Variants in PHYHIPL observed in about 807,000 individuals in gnomAD.
PHYHIPL encodes phytanoyl-CoA hydroxylase-interacting protein-like.
Under a neutral mutation model 33.4 loss-of-function variants are expected in PHYHIPL, and 9 were observed. The ratio of observed to expected loss-of-function variants is 0.27; its 90% confidence interval spans 0.16 to 0.47. The LOEUF is 0.47. Ranked by LOEUF, PHYHIPL falls within the 20% of genes least tolerant of loss-of-function variation. The pLI is 0.99. For synonymous variants in PHYHIPL, 153 were observed against 154.1 expected, an observed-to-expected ratio of 0.99 and a Z score of 0.05; for missense variants, 365 against 460.7, an observed-to-expected ratio of 0.79 and a Z score of 1.90.
intron 4 of PHYHIPL, among the ~76,000 whole-genome samples, chr10:59,242,415 GTAGA>G (rs766597267): frequency 7.1e-6 from 1 of 141,142 alleles, no homozygotes; most frequent in South Asian, 2.3e-4. Context: ...TCACCCACTG[GTAGA>G]TAGTCAGGAG....
upstream of PHYHIPL, among the ~76,000 whole-genome samples, chr10:59,173,921 G>GTTTGTT (rs1838206563): frequency 1.7e-5 from 1 of 57,528 alleles, no homozygotes. Context: ...TACTTCTGAG[G>GTTTGTT]TTTTTTTTTT....
At position 59,199,663 on chromosome 10, in the gene PHYHIPL, C is replaced by T. The variant is rs568208999; in HGVS notation, c.106+22704C>T. Among the ~76,000 whole-genome samples the T allele has an allele frequency of 1.9e-4, 29 of 152,222 alleles. No homozygotes were observed. The East Asian group carries it at 2.7e-3, about 14-fold the overall frequency. Reference sequence around the variant, plus strand: ...ACCTTGGGCAGTATGGCCATTTTCACGATATTGATTCTTCCTATCCATGAG... The same window carrying T: ...ACCTTGGGCAGTATGGCCATTTTCATGATATTGATTCTTCCTATCCATGAG... On this transcript the variant is annotated intron_variant, in intron 1 of 4. Transcript: ENST00000373880.
At chr10:59,240,914 G>A (rs1381200156) in intron 4 of PHYHIPL, among the ~76,000 whole-genome samples, 4 of 152,028 alleles carry the variant, frequency 2.6e-5, no homozygotes, top group Admixed American at 2.6e-4. Flanking sequence ...TAAAGACAGA[G>A]TGCCTAGAAA....
chr10:59,197,500 C>CT (rs1034386847), intron 1 of PHYHIPL, among the ~76,000 whole-genome samples: 71 of 151,692 alleles, frequency 4.7e-4, no homozygotes, highest in Middle Eastern at 3.4e-3. Context: ...GTAAGCTCTA[C>CT]TTTTTTTTTC....
At chr10:59,194,812 T>G (rs901712533) in intron 1 of PHYHIPL, among the ~76,000 whole-genome samples, 8 of 152,214 alleles carry the variant, frequency 5.3e-5, no homozygotes, top group Non-Finnish European at 2.9e-5. Flanking sequence ...CATTTTTAAC[T>G]TCACCTATTT....
At position 59,193,100 on chromosome 10, in the gene PHYHIPL, T is replaced by A. The variant is rs575719410; in HGVS notation, c.106+16141T>A. 7.2e-5 allele frequency among the ~76,000 whole-genome samples: 11 copies of A among 152,282 alleles called. No individual in the cohort carries two copies. In the South Asian group the frequency reaches 2.3e-3, roughly 32 times the overall value. ...CAGTCTTTGAGACCCATATGAGGTT[T>A]TTCAACTGCTCATTAGAGTGAGTAC... On this transcript the variant is annotated intron_variant, in intron 1 of 4. Coordinates refer to ENST00000373880, the MANE Select transcript of PHYHIPL (RefSeq NM_032439.4).
In PHYHIPL at chr10:59,238,569, CTT is replaced by C; in HGVS notation, c.479-15_479-14del. On this transcript the variant is annotated splice_polypyrimidine_tract_variant and intron_variant, in intron 3 of 4. Transcript: ENST00000373880. ...TTGGTGCAATATTTTTAATAACAGACTTTTTGGGTTTTTTCCAGACTATTCAA... is the reference window on the plus strand; with the variant it reads ...TTGGTGCAATATTTTTAATAACAGACTTTGGGTTTTTTCCAGACTATTCAA... The C allele has an allele frequency of 7.0e-7, 1 of 1,427,866 alleles. No homozygotes were observed. The highest frequency in any genetic ancestry group is 9.9e-7 in the Non-Finnish European group (1 of 1,014,696). 88.4% of individuals were successfully genotyped at this position (1,427,866 alleles called of 1,614,324 possible).
upstream of PHYHIPL, among the ~76,000 whole-genome samples, chr10:59,174,771 C>A (rs1838222536): frequency 6.6e-6 from 1 of 152,188 alleles, no homozygotes; most frequent in Admixed American, 6.5e-5. Context: ...GACCATCTAA[C>A]CTAGGTTATA....
intron 1 of PHYHIPL, among the ~76,000 whole-genome samples, chr10:59,194,078 A>G (rs1041372809): frequency 1.6e-4 from 20 of 126,522 alleles, no homozygotes; most frequent in Admixed American, 1.4e-3. Context: ...CTTTACCTAT[A>G]TGTTTTTTTT....
intron 1 of PHYHIPL, among the ~76,000 whole-genome samples, chr10:59,199,791 C>T (rs574555773): frequency 6.6e-6 from 1 of 152,200 alleles, no homozygotes; most frequent in South Asian, 2.1e-4. Context: ...AAGTTGGATT[C>T]CTAGGTATTT....
chr10:59,242,894 A>G (rs1840455402), intron 4 of PHYHIPL, among the ~76,000 whole-genome samples: 1 of 152,196 alleles, frequency 6.6e-6, no homozygotes, highest in South Asian at 2.1e-4. Flanking sequence ...AATATATATC[A>G]GTCTTATGGA....
intron 3 of PHYHIPL, 78 bp from the exon 4 acceptor site, chr10:59,238,510 A>T: frequency 2.7e-6 from 2 of 733,066 alleles, no homozygotes. Context: ...GAATTTTAAT[A>T]ATCTTCAATT....
At chr10:59,202,990 A>G (rs549202731) in intron 1 of PHYHIPL, among the ~76,000 whole-genome samples, 1 of 152,300 alleles carries the variant, frequency 6.6e-6, no homozygotes, top group East Asian at 1.9e-4. Flanking sequence ...AGTGATTACT[A>G]AAAAGGCCAT....
At chr10:59,176,193 C>G (rs1417942133), upstream of PHYHIPL, among the ~76,000 whole-genome samples, 3 of 152,216 alleles carry the variant, frequency 2.0e-5, no homozygotes, top group Non-Finnish European at 2.9e-5. Context: ...CTCCCACACC[C>G]CAATACCGTA....
chr10:59,247,436 C>G lies in PHYHIPL; in HGVS notation c.*1845C>G, dbSNP rs1320378145. ...TGGCTACCTGTTGTATTCTTCCCCC[C>G]GTTTAAATCCCTTCTCCTTGTATAT... is the stretch of plus-strand genomic sequence containing the variant. On this transcript the variant is annotated 3_prime_UTR_variant, in exon 5 of 5. Coordinates refer to ENST00000373880, the MANE Select transcript of PHYHIPL (RefSeq NM_032439.4). 8 of 695,768 alleles carry G rather than the reference C, an allele frequency of 1.1e-5. No individual in the cohort carries two copies. In the Admixed American group the frequency reaches 1.8e-4, roughly 16 times the overall value. 43.1% of individuals were successfully genotyped at this position (695,768 alleles called of 1,614,324 possible).
At chr10:59,219,278 T>C in intron 1 of PHYHIPL, 1 of 906,792 alleles carries the variant, frequency 1.1e-6, no homozygotes, top group African/African-American at 1.8e-5. Context: ...TGCTGTAGTG[T>C]TTCTGCACAT....
chr10:59,209,319 A>G (rs1192607746), intron 1 of PHYHIPL, among the ~76,000 whole-genome samples: 2 of 152,118 alleles, frequency 1.3e-5, no homozygotes, highest in Non-Finnish European at 2.9e-5. Context: ...TTTCATATCC[A>G]GCCAAATTAA....
chr10:59,176,857 G>C lies in PHYHIPL; in HGVS notation c.4G>C (p.Glu2Gln). ...GGCTTCAGAGTGGGTTGGAAAAATG[G>C]AGGTGCCGCGCCTGGATCATGCCCT... is the stretch of plus-strand genomic sequence containing the variant. MEVPRLDHALNS... is the reference protein window; with the variant it reads MQVPRLDHALNS... The change falls in exon 1 of 5, where the codon GAG (glutamate) becomes CAG (glutamine). Residue 2 changes from glutamate (E) to glutamine (Q), a missense_variant. Physicochemically the swap from Glu to Gln is conservative, Grantham distance 29. Around this residue, in one of 4 missense-constraint regions of PHYHIPL, gnomAD observed 89 missense variants for 78.3 expected, o/e 1.14. Coordinates refer to ENST00000373880, the MANE Select transcript of PHYHIPL (RefSeq NM_032439.4). The C allele has an allele frequency of 1.9e-6, 3 of 1,612,122 alleles. No individual in the cohort carries two copies. The highest frequency in any genetic ancestry group is 2.5e-6 in the Non-Finnish European group (3 of 1,179,182).
intron 4 of PHYHIPL, among the ~76,000 whole-genome samples, chr10:59,240,218 C>A (rs577750783): frequency 6.6e-6 from 1 of 152,066 alleles, no homozygotes; most frequent in South Asian, 2.1e-4. Flanking sequence ...TTAGAGAGTA[C>A]AGACTGATAG....
Sources: allele counts gnomAD v4.1 joint callset (sites outside exome capture counted in the v4.1 genomes callset), GRCh38; gene constraint gnomAD v4.1.1; regional missense constraint gnomAD v4.1.1; transcripts MANE v1.5; gene names NCBI Gene and HGNC (gene_info 2026-07-23, HGNC 2026-07-21).